The following GRID2 variants were observed in gnomAD, a reference collection of about 807,000 sequenced individuals.
The protein encoded by GRID2 is glutamate receptor ionotropic, delta-2.
A neutral mutation model predicts 114.8 loss-of-function variants in GRID2; 33 were observed. That is an observed-to-expected ratio of 0.29 (90% CI 0.22 to 0.38). The LOEUF is 0.38. Ranked by LOEUF, GRID2 falls within the 10% of genes least tolerant of loss-of-function variation. The pLI is 1.00. For missense variants in GRID2, 1,184 were observed against 1,257.7 expected (o/e 0.94, Z 0.89); for synonymous variants, 505 against 449.9 (o/e 1.12, Z -1.55).
chr4:93,649,728 C>T (rs931950264), intron 14 of GRID2, among the ~76,000 whole-genome samples: 1 of 152,086 alleles, frequency 6.6e-6, no homozygotes, highest in African/African-American at 2.4e-5. Context: ...GATGAATGGG[C>T]CAGAGTCATT....
At chr4:93,764,757 C>G (rs1360591605) in intron 14 of GRID2, among the ~76,000 whole-genome samples, 1 of 152,152 alleles carries the variant, frequency 6.6e-6, no homozygotes, top group Non-Finnish European at 1.5e-5. Context: ...GTCTATACTT[C>G]AGCACTTCAA....
chr4:92,349,113 G>A (rs971227994), intron 1 of GRID2, among the ~76,000 whole-genome samples: 1 of 151,852 alleles, frequency 6.6e-6, no homozygotes, highest in Admixed American at 6.6e-5. Flanking sequence ...ATAAAGAAAT[G>A]TTATTATTCT....
chr4:93,311,057 A>G (rs1190105315), intron 8 of GRID2, among the ~76,000 whole-genome samples: 1 of 152,168 alleles, frequency 6.6e-6, no homozygotes, highest in African/African-American at 2.4e-5. Context: ...TATATAGATT[A>G]TCATAAAGAT....
intron 9 of GRID2, among the ~76,000 whole-genome samples, chr4:93,412,410 C>A (rs1385012043): frequency 6.6e-6 from 1 of 152,070 alleles, no homozygotes; most frequent in Non-Finnish European, 1.5e-5. Context: ...CAAAACAAAA[C>A]CCATCTCTGA....
chr4:92,490,933 G>T (rs527275554), intron 1 of GRID2, among the ~76,000 whole-genome samples: 4 of 151,990 alleles, frequency 2.6e-5, no homozygotes, highest in South Asian at 4.1e-4. Flanking sequence ...ATAAAATCTA[G>T]TATCTATCTA....
At chr4:92,861,215 A>G (rs1032759081) in intron 2 of GRID2, among the ~76,000 whole-genome samples, 3 of 152,082 alleles carry the variant, frequency 2.0e-5, no homozygotes, top group Non-Finnish European at 4.4e-5. Context: ...ATAACCATTT[A>G]TCAGCTCACA....
chr4:93,175,386 G>C (rs902453964), intron 4 of GRID2, among the ~76,000 whole-genome samples: 1 of 152,074 alleles, frequency 6.6e-6, no homozygotes, highest in African/African-American at 2.4e-5. Flanking sequence ...GGCCAGGCTG[G>C]TCTCGAACTC....
chr4:93,448,895 T>C (rs1396031905), intron 10 of GRID2, among the ~76,000 whole-genome samples: 10 of 11,862 alleles, frequency 8.4e-4, no homozygotes, highest in Non-Finnish European at 9.2e-4. Flanking sequence ...TTCCCTTCCC[T>C]TCCCCTTCCC....
chr4:93,153,928 A>C (rs984022577), intron 4 of GRID2, among the ~76,000 whole-genome samples: 3 of 152,072 alleles, frequency 2.0e-5, no homozygotes, highest in Non-Finnish European at 4.4e-5. Context: ...CCACAGGCAC[A>C]ATGTTGTACT....
intron 13 of GRID2, among the ~76,000 whole-genome samples, chr4:93,616,316 C>T (rs563596930): frequency 3.0e-4 from 46 of 151,870 alleles, no homozygotes; most frequent in South Asian, 2.3e-3. Flanking sequence ...AGCCAAGGCA[C>T]GCAGATCACT....
At chr4:93,622,254 T>C (rs1175712515) in intron 13 of GRID2, among the ~76,000 whole-genome samples, 6 of 152,204 alleles carry the variant, frequency 3.9e-5, no homozygotes, top group Non-Finnish European at 8.8e-5. Flanking sequence ...AGACGAAACC[T>C]AACCAAGTGT....
intron 1 of GRID2, among the ~76,000 whole-genome samples, chr4:92,397,373 T>C (rs966853255): frequency 5.3e-5 from 8 of 151,024 alleles, no homozygotes; most frequent in Non-Finnish European, 1.0e-4. Context: ...TGTGTGTGTG[T>C]GTGTGTGTGT....
chr4:92,757,396 T>A (rs2149342996), intron 2 of GRID2, among the ~76,000 whole-genome samples: 1 of 152,214 alleles, frequency 6.6e-6, no homozygotes, highest in South Asian at 2.1e-4. Flanking sequence ...GACACCTTGA[T>A]GGACTGGTTG....
intron 1 of GRID2, among the ~76,000 whole-genome samples, chr4:92,372,722 G>A (rs1245755270): frequency 6.6e-6 from 1 of 151,984 alleles, no homozygotes; most frequent in African/African-American, 2.4e-5. Flanking sequence ...GTTGTTTTAA[G>A]TCACTTAACA....
Position 92,734,524 on chromosome 4 carries a change from C to T in GRID2, c.244+144238C>T, listed in dbSNP as rs189270144. ...GTCTTGAACTCTTGGCCTCAAGTGA[C>T]CCTCCAGCCACAGGCTTCCAAAGTT... On this transcript the variant is annotated intron_variant, in intron 2 of 15. Transcript: ENST00000282020. Among the ~76,000 whole-genome samples, 187 of 151,986 alleles carry T rather than the reference C, an allele frequency of 1.2e-3. 1 individual carries two copies. Among genetic ancestry groups the T allele is most frequent in the Admixed American group, 0.01 (157 of 15,236 alleles).
At chr4:93,044,763 C>A (rs187103308) in intron 2 of GRID2, among the ~76,000 whole-genome samples, 16 of 152,150 alleles carry the variant, frequency 1.1e-4, no homozygotes, top group Non-Finnish European at 1.8e-4. Flanking sequence ...ACCTCATGGC[C>A]TGGAAGAGAT....
At chr4:92,349,283 A>G (rs896992205) in intron 1 of GRID2, among the ~76,000 whole-genome samples, 55 of 151,982 alleles carry the variant, frequency 3.6e-4, no homozygotes, top group African/African-American at 1.3e-3. Context: ...ACTAAAAATG[A>G]CTAAAAGTTT....
chr4:92,818,851 A>G (rs980307819), intron 2 of GRID2, among the ~76,000 whole-genome samples: 3 of 152,154 alleles, frequency 2.0e-5, no homozygotes, highest in Non-Finnish European at 2.9e-5. Flanking sequence ...TGTTTTCTAC[A>G]TGAATAATAT....
At chr4:93,197,064 C>T (rs1348847541) in intron 4 of GRID2, among the ~76,000 whole-genome samples, 1 of 152,068 alleles carries the variant, frequency 6.6e-6, no homozygotes, top group Admixed American at 6.6e-5. Context: ...ATGGAATCAC[C>T]TGTATTGTTC....
Sources: allele counts gnomAD v4.1 joint callset (sites outside exome capture counted in the v4.1 genomes callset), GRCh38; gene constraint gnomAD v4.1.1; transcripts MANE v1.5; gene names NCBI Gene and HGNC (gene_info 2026-07-23, HGNC 2026-07-21).